Variants in ATOSA observed in about 807,000 individuals in gnomAD.
ATOSA encodes atos homolog protein A.
the ATOSA span, among the ~76,000 whole-genome samples, chr15:52,602,379 G>C: frequency 6.6e-6 from 1 of 152,074 alleles, no homozygotes; most frequent in Non-Finnish European, 1.5e-5. Flanking sequence ...TCTGATAACA[G>C]AGTTCCTATA....
chr15:52,639,268 T>TACA, the ATOSA span, among the ~76,000 whole-genome samples: 9 of 152,148 alleles, frequency 5.9e-5, no homozygotes, highest in South Asian at 2.1e-4. Flanking sequence ...GAACTTGTAT[T>TACA]ACAAGCAAAA....
At chr15:52,611,700 C>T in the ATOSA span, 8 of 1,613,884 alleles carry the variant, frequency 5.0e-6, no homozygotes, top group Non-Finnish European at 6.8e-6. Context: ...CTGGTAGTAG[C>T]ATCATTTCCA....
chr15:52,647,745 T>A, the ATOSA span, among the ~76,000 whole-genome samples: 1 of 152,174 alleles, frequency 6.6e-6, no homozygotes, highest in African/African-American at 2.4e-5. Context: ...CGAGTGTACA[T>A]ACACACACAA....
At chr15:52,622,614 G>A in the ATOSA span, among the ~76,000 whole-genome samples, 1 of 152,178 alleles carries the variant, frequency 6.6e-6, no homozygotes, top group Non-Finnish European at 1.5e-5. Context: ...ATATGAGAAT[G>A]ATTATGGCAA....
the ATOSA span, among the ~76,000 whole-genome samples, chr15:52,588,814 TTTTCTTTCAAGTAG>T: frequency 0.014 from 2,154 of 152,346 alleles, 47 homozygotes; most frequent in African/African-American, 0.05. Context: ...GGGCTAATAC[TTTTCTTTCAAGTAG>T]TTAAGGAGAA....
chr15:52,698,381 T>C, the ATOSA span, among the ~76,000 whole-genome samples: 1 of 152,210 alleles, frequency 6.6e-6, no homozygotes, highest in African/African-American at 2.4e-5. Context: ...GCATCTGCTT[T>C]ATGATCCAGC....
the ATOSA span, chr15:52,593,644 A>C: frequency 6.4e-7 from 1 of 1,566,134 alleles, no homozygotes; most frequent in Non-Finnish European, 8.7e-7. Context: ...GAAGAGTCAA[A>C]TGTGTGGGGC....
chr15:52,598,939 C>G, the ATOSA span, among the ~76,000 whole-genome samples: 2 of 152,258 alleles, frequency 1.3e-5, no homozygotes, highest in Admixed American at 1.3e-4. Context: ...TCTCTTGTTC[C>G]TGCTCTCACC....
At chr15:52,684,732 T>C in the ATOSA span, among the ~76,000 whole-genome samples, 5 of 152,204 alleles carry the variant, frequency 3.3e-5, no homozygotes, top group African/African-American at 9.6e-5. Context: ...TTTCTTTTTT[T>C]CAAATTTTTA....
the ATOSA span, among the ~76,000 whole-genome samples, chr15:52,594,511 G>T: frequency 6.6e-6 from 1 of 152,144 alleles, no homozygotes; most frequent in Non-Finnish European, 1.5e-5. Flanking sequence ...TCTTTGAAAA[G>T]AAATGCTACA....
chr15:52,702,527 T>C, the ATOSA span, among the ~76,000 whole-genome samples: 1 of 152,080 alleles, frequency 6.6e-6, no homozygotes, highest in African/African-American at 2.4e-5. Flanking sequence ...AAATACAACA[T>C]GTTCTCACTT....
At chr15:52,638,431 G>A in the ATOSA span, among the ~76,000 whole-genome samples, 1 of 152,022 alleles carries the variant, frequency 6.6e-6, no homozygotes, top group African/African-American at 2.4e-5. Flanking sequence ...TGTGGGCCGG[G>A]CACAGTGGCT....
At chr15:52,670,546 A>T in the ATOSA span, among the ~76,000 whole-genome samples, 1 of 152,216 alleles carries the variant, frequency 6.6e-6, no homozygotes, top group African/African-American at 2.4e-5. Context: ...GAAACCATTT[A>T]AACTAAAATA....
chr15:52,708,990 G>A, the ATOSA span, among the ~76,000 whole-genome samples: 30 of 152,234 alleles, frequency 2.0e-4, 1 homozygote, highest in South Asian at 1.9e-3. Flanking sequence ...GGCTGATGTA[G>A]AGGTGAATGA....
chr15:52,618,650 T>TA, the ATOSA span, among the ~76,000 whole-genome samples: 2 of 152,208 alleles, frequency 1.3e-5, no homozygotes, highest in South Asian at 4.1e-4. Flanking sequence ...TTTAAAGTGA[T>TA]AAAAACTGAA....
the ATOSA span, among the ~76,000 whole-genome samples, chr15:52,648,390 A>C: frequency 6.6e-6 from 1 of 152,164 alleles, no homozygotes; most frequent in African/African-American, 2.4e-5. Flanking sequence ...ATATTTTAAC[A>C]CATGTATATG....
At chr15:52,593,731 A>G in the ATOSA span, 1 of 1,527,570 alleles carries the variant, frequency 6.5e-7, no homozygotes, top group Non-Finnish European at 8.8e-7. Flanking sequence ...AGTTCAAGAC[A>G]GATTCCTGGA....
chr15:52,614,252 T>C, the ATOSA span, among the ~76,000 whole-genome samples: 1 of 151,952 alleles, frequency 6.6e-6, no homozygotes, highest in Non-Finnish European at 1.5e-5. Context: ...ATTACAGGCA[T>C]GTGCCACCAC....
the ATOSA span, among the ~76,000 whole-genome samples, chr15:52,679,809 TTCCCCC>T: frequency 3.7e-5 from 1 of 26,712 alleles, no homozygotes; most frequent in African/African-American, 1.9e-4. Context: ...CTCCCCCTCC[TTCCCCC>T]CCTCCTCCTC....
Sources: gnomAD v4.1 joint callset for allele counts (sites outside exome capture counted in the v4.1 genomes callset) on GRCh38, gnomAD v4.1.1 for gene constraint, MANE v1.5 for transcripts, NCBI Gene and HGNC (gene_info 2026-07-23, HGNC 2026-07-21) for gene names.